The following MTM1 variants were observed in gnomAD, a reference collection of about 807,000 sequenced individuals.
MTM1 encodes myotubularin 1.
In MTM1, 9 loss-of-function variants were observed where a neutral mutation model predicts 52.1. The observed-to-expected ratio is 0.17, with a 90% CI of 0.10 to 0.30. The LOEUF is 0.30. Among genes scored for constraint, MTM1 ranks in the 10% least tolerant of loss-of-function variants. The pLI is 1.00. For synonymous variants in MTM1, 136 were observed against 163.8 expected, an observed-to-expected ratio of 0.83 and a Z score of 1.29; for missense variants, 277 against 470.7, an observed-to-expected ratio of 0.59 and a Z score of 3.81.
intron 6 of MTM1, among the ~76,000 whole-genome samples, chrX:150,623,571 T>A (rs782075250): frequency 9.0e-6 from 1 of 110,622 alleles, no homozygotes; most frequent in Non-Finnish European, 1.9e-5. Context: ...ATGAATATAT[T>A]TGTGGAAAGA....
rs1208974679 is a variant in MTM1 at position 150,568,660 on chromosome X, G to C, written c.-13G>C. Reference sequence around the variant, plus strand: ...GCAACGGCGGTGGCGCCCGGAGCCCGAGGTGGGTGCGCGCTCACGGCTGGC... The same window carrying C: ...GCAACGGCGGTGGCGCCCGGAGCCCCAGGTGGGTGCGCGCTCACGGCTGGC... On this transcript the variant is annotated splice_region_variant and 5_prime_UTR_variant, in exon 1 of 15. Transcript: ENST00000370396. 8.8e-6 allele frequency: 1 copy of C among 113,176 alleles called. No individual in the cohort carries two copies. The highest frequency in any genetic ancestry group is 1.9e-5 in the Non-Finnish European group (1 of 53,268). The allele number at this position is 113,176 out of a possible 1,213,427, so 9.3% of individuals were successfully genotyped here. A position where few individuals can be genotyped will look rare whatever the true frequency, so the allele number is the denominator to read the frequency against.
chrX:150,660,114 A>G (rs1156974400), intron 12 of MTM1, among the ~76,000 whole-genome samples: 1 of 112,016 alleles, frequency 8.9e-6, no homozygotes, highest in Non-Finnish European at 1.9e-5. Context: ...ACTACACTGT[A>G]CCTGCAGGAG....
chrX:150,625,852 G>C (rs1384157773), intron 6 of MTM1, among the ~76,000 whole-genome samples: 1 of 112,741 alleles, frequency 8.9e-6, no homozygotes. Context: ...AAAGACACAG[G>C]TGAGGTAACT....
At chrX:150,645,298 C>T (rs1405566691) in intron 8 of MTM1, among the ~76,000 whole-genome samples, 2 of 112,109 alleles carry the variant, frequency 1.8e-5, no homozygotes, top group Admixed American at 1.9e-4. Flanking sequence ...ACATATTGTA[C>T]CAGAGACAAT....
At chrX:150,587,606 G>A (rs1180209784) in intron 1 of MTM1, among the ~76,000 whole-genome samples, 1 of 112,109 alleles carries the variant, frequency 8.9e-6, no homozygotes, top group Non-Finnish European at 1.9e-5. Flanking sequence ...GCTGGAATAT[G>A]AACATTTATC....
chrX:150,596,688 T>G lies in MTM1; in HGVS notation c.136+118T>G. ...CTTAGACAAATAGGCTACCTTTGTT[T>G]AGAAGCGTTAACACAGAACTCTCTG... On this transcript the variant is annotated intron_variant, in intron 3 of 14. Transcript: ENST00000370396. The G allele has an allele frequency of 1.1e-5, 6 of 552,902 alleles. No homozygotes were observed. In the South Asian group the frequency reaches 1.5e-4, roughly 14 times the overall value. 45.6% of individuals were successfully genotyped at this position (552,902 alleles called of 1,213,427 possible). A position where few individuals can be genotyped will look rare whatever the true frequency, so the allele number is the denominator to read the frequency against.
chrX:150,586,852 T>TA (rs782301285), intron 1 of MTM1, among the ~76,000 whole-genome samples: 7 of 105,141 alleles, frequency 6.7e-5, no homozygotes, highest in Non-Finnish European at 1.4e-4. Context: ...AGGCAGAGGT[T>TA]ACGGTGAGCT....
At chrX:150,665,507 A>G (rs2040291034) in intron 14 of MTM1, among the ~76,000 whole-genome samples, 1 of 113,036 alleles carries the variant, frequency 8.8e-6, no homozygotes, top group Admixed American at 9.3e-5. Flanking sequence ...TTAAAAGTAC[A>G]TAATATAAAC....
intron 1 of MTM1, among the ~76,000 whole-genome samples, chrX:150,583,721 TA>T (rs1386643502): frequency 0.019 from 885 of 45,572 alleles, 91 homozygotes; most frequent in African/African-American, 0.069. Context: ...TTATATATAT[TA>T]TATAAATTAT....
chrX:150,618,357 A>T (rs2039420148), intron 5 of MTM1, among the ~76,000 whole-genome samples: 1 of 111,626 alleles, frequency 9.0e-6, no homozygotes, highest in Non-Finnish European at 1.9e-5. Context: ...TTTTATAATT[A>T]AAAAAAATAT....
intron 4 of MTM1, among the ~76,000 whole-genome samples, chrX:150,604,056 C>G (rs187516125): frequency 8.1e-4 from 90 of 111,697 alleles, no homozygotes; most frequent in Non-Finnish European, 1.3e-3. Flanking sequence ...TGAAAAGAGG[C>G]CATGGAGTGT....
intron 1 of MTM1, among the ~76,000 whole-genome samples, chrX:150,587,254 C>A (rs1269965217): frequency 1.8e-5 from 2 of 111,665 alleles, no homozygotes; most frequent in African/African-American, 6.5e-5. Context: ...TTATGTACTT[C>A]GGCTGAAGAC....
chrX:150,587,291 C>T (rs1436504696), intron 1 of MTM1, among the ~76,000 whole-genome samples: 1 of 111,849 alleles, frequency 8.9e-6, no homozygotes, highest in Non-Finnish European at 1.9e-5. Context: ...ATTTTAACAG[C>T]TTAATGCAGG....
chrX:150,658,092 TA>T (rs1557414525), intron 11 of MTM1, 65 bp downstream of exon 11: 12 of 889,098 alleles, frequency 1.3e-5, no homozygotes, highest in African/African-American at 2.0e-5. Context: ...AACTAGTTGT[TA>T]AATTACATAT....
intron 11 of MTM1, 94 bp downstream of exon 11, chrX:150,658,121 A>G: frequency 1.3e-6 from 1 of 756,315 alleles, no homozygotes; most frequent in South Asian, 2.4e-5. Context: ...TACAATGAAA[A>G]TCTGAGGAGT....
intron 3 of MTM1, among the ~76,000 whole-genome samples, chrX:150,597,268 T>C (rs142888677): frequency 0.015 from 1,673 of 111,887 alleles, 14 homozygotes; most frequent in Non-Finnish European, 0.023. Flanking sequence ...CAGATCTGGG[T>C]TGTTTAGCTT....
chrX:150,612,809 C>T (rs1177029834), intron 4 of MTM1, among the ~76,000 whole-genome samples: 1 of 111,167 alleles, frequency 9.0e-6, no homozygotes, highest in Non-Finnish European at 1.9e-5. Context: ...CATGGCAAAA[C>T]CCCGTCTCTA....
chrX:150,662,230 C>CAA lies in MTM1; in HGVS notation c.1468-1199_1468-1198dup, dbSNP rs782190562. ...CAATGTGGTATATAGATTTTGGCATCAAAAAGGTACAACTGAGGTTTTAGG... is the reference window on the plus strand; with the variant it reads ...CAATGTGGTATATAGATTTTGGCATCAAAAAAAGGTACAACTGAGGTTTTAGG... On this transcript the variant is annotated intron_variant, in intron 13 of 14. Coordinates refer to ENST00000370396, the MANE Select transcript of MTM1 (RefSeq NM_000252.3). Among the ~76,000 whole-genome samples the CAA allele has an allele frequency of 1.1e-4, 12 of 112,046 alleles. No homozygotes were observed. The South Asian group carries it at 4.4e-3, about 41-fold the overall frequency.
chrX:150,660,181 T>C (rs1306203292), intron 12 of MTM1, among the ~76,000 whole-genome samples, 190 bp from the exon 13 acceptor site: 5 of 112,019 alleles, frequency 4.5e-5, no homozygotes, highest in African/African-American at 1.6e-4. Flanking sequence ...TATTTAACAC[T>C]TAAAGTGCTC....
Sources: allele counts gnomAD v4.1 joint callset (sites outside exome capture counted in the v4.1 genomes callset), GRCh38; gene constraint gnomAD v4.1.1; transcripts MANE v1.5; gene names NCBI Gene and HGNC (gene_info 2026-07-23, HGNC 2026-07-21).